Variants in RNF123 observed in about 807,000 individuals in gnomAD.
The protein encoded by RNF123 is ring finger protein 123, also known as E3 ubiquitin-protein ligase RNF123.
A neutral mutation model predicts 168.5 loss-of-function variants in RNF123; 86 were observed. That is an observed-to-expected ratio of 0.51 (90% confidence interval 0.43 to 0.61). The LOEUF (loss-of-function observed/expected upper bound fraction) is 0.61, where lower values mean the gene tolerates loss of function less well. RNF123 is among the 20% of genes least tolerant of loss of function. The pLI is 0.00. For missense variants in RNF123, 1,419 were observed against 1,729.7 expected (o/e 0.82, Z 3.19); for synonymous variants, 666 against 689.1 (o/e 0.97, Z 0.52).
intron 35 of RNF123, chr3:49,719,326 C>T (rs977173831): frequency 1.2e-6 from 2 of 1,613,206 alleles, no homozygotes; most frequent in African/African-American, 2.7e-5. Context: ...TAGGCCAGTG[C>T]AGCTTAGCAG....
At chr3:49,707,145 G>A (rs1249836767) in intron 26 of RNF123, among the ~76,000 whole-genome samples, 1 of 152,094 alleles carries the variant, frequency 6.6e-6, no homozygotes, top group East Asian at 1.9e-4. Context: ...AACAAACTCT[G>A]TCTGTCTGCC....
rs2054313312 is a variant in RNF123, at chr3:49,698,538, GC to G, written c.570+16del. ...CGAATTATGGCAAGGTGAGAGCCAA[GC>G]CCCTGTGGGTCATCCGCCCCATGAC... On this transcript the variant is annotated intron_variant, in intron 8 of 38. Coordinates refer to ENST00000327697, the MANE Select transcript of RNF123 (RefSeq NM_022064.5). The G allele has an allele frequency of 6.2e-7, 1 of 1,613,298 alleles. No individual in the cohort carries two copies. The highest frequency in any genetic ancestry group is 8.5e-7 in the Non-Finnish European group (1 of 1,179,708).
intron 35 of RNF123, chr3:49,716,777 G>T (rs1360672254): frequency 2.7e-6 from 1 of 370,910 alleles, no homozygotes; most frequent in East Asian, 4.9e-5. Context: ...GTGCCGTCCT[G>T]TGGTGGACAG....
At chr3:49,711,122 G>T (rs923399014) in intron 26 of RNF123, among the ~76,000 whole-genome samples, 1 of 152,038 alleles carries the variant, frequency 6.6e-6, no homozygotes, top group African/African-American at 2.4e-5. Flanking sequence ...GCTACTCTGA[G>T]GTCAGGAGTT....
intron 35 of RNF123, chr3:49,720,176 C>CGTG (rs1228775598): frequency 5.6e-6 from 1 of 178,168 alleles, no homozygotes; most frequent in East Asian, 1.5e-4. Context: ...ATTAGCCGGG[C>CGTG]GTGGTGGTGG....
At chr3:49,706,727 G>A in intron 25 of RNF123, 64 bp from the exon 26 acceptor site, 5 of 1,431,700 alleles carry the variant, frequency 3.5e-6, no homozygotes, top group Non-Finnish European at 3.9e-6. Context: ...GCTGCCTGCA[G>A]GATCAGGGTG....
In RNF123 at chr3:49,698,427, A is replaced by G. The variant is rs1161267811; in HGVS notation, c.484-13A>G. On this transcript the variant is annotated splice_polypyrimidine_tract_variant and intron_variant, in intron 7 of 38. Coordinates refer to ENST00000327697, the MANE Select transcript of RNF123 (RefSeq NM_022064.5). ...CTGCCTCACCAGGGACCTCATAGGC[A>G]TTTCCTCCCTAGGAGGGGGTTGGAG... 1.9e-6 allele frequency: 3 copies of G among 1,612,584 alleles called. No homozygotes were observed. Among genetic ancestry groups the G allele is most frequent in the Non-Finnish European group, 2.5e-6 (3 of 1,179,288 alleles).
At chr3:49,718,764 C>T in intron 35 of RNF123, 4 of 1,613,276 alleles carry the variant, frequency 2.5e-6, no homozygotes, top group Non-Finnish European at 2.5e-6. Context: ...CCCGCTGGTG[C>T]CAGCGCTGTA....
intron 27 of RNF123, chr3:49,713,252 A>G (rs1406087317): frequency 1.7e-6 from 1 of 592,592 alleles, no homozygotes; most frequent in African/African-American, 1.9e-5. Flanking sequence ...ACTGCTCATC[A>G]GGTGTGTGTG....
In RNF123 at chr3:49,700,146, T is replaced by G. The variant is rs553869338; in HGVS notation, c.985-81T>G. ...CTCAAGGCTCTGTGCCTGAGGCTTG[T>G]GCCTTGGCCATGTGCCAGGGCAGGG... is the stretch of plus-strand genomic sequence containing the variant. On this transcript the variant is annotated intron_variant, in intron 12 of 38. Coordinates refer to ENST00000327697, the MANE Select transcript of RNF123 (RefSeq NM_022064.5). The G allele has an allele frequency of 3.2e-6, 5 of 1,581,306 alleles. No homozygotes were observed. In the Admixed American group the frequency reaches 7.0e-5, roughly 22 times the overall value.
At chr3:49,702,049 A>G in intron 17 of RNF123, 34 bp from the exon 18 acceptor site, 1 of 1,608,708 alleles carries the variant, frequency 6.2e-7, no homozygotes, top group African/African-American at 1.3e-5. Context: ...CATCTCCTGG[A>G]GCCTGAGGGC....
chr3:49,719,704 C>T, intron 35 of RNF123: 1 of 493,974 alleles, frequency 2.0e-6, no homozygotes, highest in Non-Finnish European at 3.7e-6. Flanking sequence ...TCCTGATCGG[C>T]TCCTAAATAC....
chr3:49,699,927 G>A lies in RNF123; in HGVS notation c.984+155G>A. 5.3e-6 allele frequency: 4 copies of A among 750,488 alleles called. No homozygotes were observed. Among genetic ancestry groups the A allele is most frequent in the Non-Finnish European group, 8.7e-6 (4 of 458,342 alleles). 46.5% of individuals were successfully genotyped at this position (750,488 alleles called of 1,614,324 possible). ...GACCAGGGCCCTCAGACCTCAGTCA[G>A]TCCCCTAGGGAAACAGGGACATTGC... On this transcript the variant is annotated intron_variant, in intron 12 of 38. Transcript: ENST00000327697. This position sits in a 1 kb window ranked among gnomAD's most constrained non-coding sequence, Gnocchi z 4.8.
intron 24 of RNF123, 73 bp from the exon 25 acceptor site, chr3:49,705,909 C>A (rs1048653575): frequency 1.3e-6 from 2 of 1,543,334 alleles, no homozygotes; most frequent in African/African-American, 1.4e-5. Context: ...GGGCTGGGGT[C>A]CAGACTGGGT....
rs538850729 is a variant in RNF123 at position 49,719,000 on chromosome 3, G to A, written c.3501-1511G>A. The A allele has an allele frequency of 4.3e-6, 7 of 1,613,866 alleles. No homozygotes were observed. The South Asian group carries it at 7.7e-5, about 18-fold the overall frequency. On this transcript the variant is annotated intron_variant, in intron 35 of 38. Transcript: ENST00000327697. ...AGGTAGAGATGGCTGAGCGCGCGCAGGCCGTGGAAGGCATGCTCGTCCAAG... is the reference window on the plus strand; with the variant it reads ...AGGTAGAGATGGCTGAGCGCGCGCAAGCCGTGGAAGGCATGCTCGTCCAAG...
Position 49,699,791 on chromosome 3 carries a change from G to C in RNF123, c.984+19G>C. The C allele has an allele frequency of 1.2e-6, 2 of 1,608,150 alleles. No homozygotes were observed. The highest frequency in any genetic ancestry group is 1.7e-6 in the Non-Finnish European group (2 of 1,175,926). On this transcript the variant is annotated intron_variant, in intron 12 of 38. Transcript: ENST00000327697. This position sits in a 1 kb window ranked among gnomAD's most constrained non-coding sequence, Gnocchi z 4.8. ...GCTTCTGGTGAGCGGCATTGGGAGG[G>C]GCATGGGAGGGGAGGAGACAGGCCA...
rs1433307794 is a variant in RNF123 at position 49,697,988 on chromosome 3, G to A, written c.397+49G>A. 2.5e-6 allele frequency: 4 copies of A among 1,613,118 alleles called. No homozygotes were observed. In the African/African-American group the frequency reaches 5.3e-5, roughly 22 times the overall value. ...CTAGGTAGTGAGGAGAAAGTTTAAG[G>A]GCCCAGGCATGAGGCAAGAGGCAGT... On this transcript the variant is annotated intron_variant, in intron 6 of 38. Coordinates refer to ENST00000327697, the MANE Select transcript of RNF123 (RefSeq NM_022064.5).
chr3:49,701,824 C>T lies in RNF123; in HGVS notation c.1409C>T (p.Thr470Met), dbSNP rs201473991. ...HCSSREGKES[T>M]EMKEETAEER... The stretch of plus-strand genomic sequence containing the variant: ...ACCCCTGCCTAGGGCAAAGAGAGCA[C>T]GGAGATGAAGGAGGAGACCGCAGAG... The change falls in exon 17 of 39, where the codon ACG becomes ATG. Residue 470 changes from threonine to methionine, a missense_variant. Thr to Met is a moderately conservative substitution (Grantham distance 81). This residue lies in a region of RNF123 where 349 missense variants were observed against 344.9 expected (regional missense o/e 1.01). Coordinates refer to ENST00000327697, the MANE Select transcript of RNF123 (RefSeq NM_022064.5). 46 of 1,572,558 alleles carry T rather than the reference C, an allele frequency of 2.9e-5. No individual in the cohort carries two copies. The East Asian group carries it at 6.2e-4, about 21-fold the overall frequency.
At chr3:49,702,509 C>G in intron 19 of RNF123, 104 bp downstream of exon 19, 1 of 1,604,460 alleles carries the variant, frequency 6.2e-7, no homozygotes, top group Non-Finnish European at 8.5e-7. Flanking sequence ...CTGCCTAGCC[C>G]CAAGCTTTTC....
Sources: allele counts gnomAD v4.1 joint callset (sites outside exome capture counted in the v4.1 genomes callset), GRCh38; gene constraint gnomAD v4.1.1; regional missense constraint gnomAD v4.1.1; non-coding constraint Gnocchi (gnomAD v3.1); transcripts MANE v1.5; gene names NCBI Gene and HGNC (gene_info 2026-07-23, HGNC 2026-07-21).